Variants in IGSF11 observed in about 807,000 individuals in gnomAD.
IGSF11 encodes immunoglobulin superfamily member 11, also known as CXADR like 1.
A neutral mutation model predicts 41.0 loss-of-function variants in IGSF11; 22 were observed. That is an observed-to-expected ratio of 0.54 (90% CI 0.38 to 0.77). IGSF11 has a LOEUF of 0.77. IGSF11 is among the 30% of genes least tolerant of loss of function. The pLI is 0.00. For synonymous variants in IGSF11, 219 were observed against 201.3 expected, an observed-to-expected ratio of 1.09 and a Z score of -0.74; for missense variants, 444 against 530.8, an observed-to-expected ratio of 0.84 and a Z score of 1.61.
intron 1 of IGSF11, among the ~76,000 whole-genome samples, chr3:119,054,291 A>G (rs1252257156): frequency 3.3e-5 from 5 of 152,216 alleles, no homozygotes; most frequent in African/African-American, 9.6e-5. Context: ...GTATCCAACA[A>G]AGAACTAATA....
intron 1 of IGSF11, among the ~76,000 whole-genome samples, chr3:118,953,866 C>T (rs1381581239): frequency 1.3e-5 from 2 of 152,164 alleles, no homozygotes; most frequent in Non-Finnish European, 2.9e-5. Context: ...GTTTACTCCG[C>T]TGATGGTTTC....
chr3:118,984,172 CA>C (rs11329040), intron 1 of IGSF11, among the ~76,000 whole-genome samples: 13,098 of 133,998 alleles, frequency 0.098, 1,052 homozygotes, highest in African/African-American at 0.24. Context: ...TTCTGAAATT[CA>C]AAAAAAAAAA....
rs1411725321 is a variant in IGSF11 at position 118,930,259 on chromosome 3, C to G, written c.69G>C (p.Leu23=). 6 of 1,612,860 alleles carry G rather than the reference C, an allele frequency of 3.7e-6. No homozygotes were observed. ...LLSLHGVAAS[L]EVSESPGSIQ... ...TACTCCCAGGGCTCTCTGACACTTCCAGGGATGCTGCAACACCTACAGAAG... is the reference window on the plus strand; with the variant it reads ...TACTCCCAGGGCTCTCTGACACTTCGAGGGATGCTGCAACACCTACAGAAG... Residue 23 remains leucine, a synonymous_variant, in exon 2 of 7, where the codon CTG becomes CTC. Transcript: ENST00000393775.
intron 1 of IGSF11, among the ~76,000 whole-genome samples, chr3:119,062,102 C>A (rs1434737380): frequency 1.3e-5 from 2 of 151,946 alleles, no homozygotes; most frequent in Admixed American, 1.3e-4. Context: ...ATGAAAATGC[C>A]CATTACAGTG....
chr3:119,025,354 G>A (rs189585906), intron 1 of IGSF11, among the ~76,000 whole-genome samples: 1 of 152,060 alleles, frequency 6.6e-6, no homozygotes, highest in Admixed American at 6.5e-5. Context: ...TACATGATAT[G>A]CCCTAGGCCA....
At chr3:119,012,338 C>T (rs780088252) in intron 1 of IGSF11, among the ~76,000 whole-genome samples, 2 of 152,154 alleles carry the variant, frequency 1.3e-5, no homozygotes, top group Non-Finnish European at 2.9e-5. Context: ...CCAAACCTTT[C>T]GTGAGCTTCC....
chr3:118,973,909 C>A (rs900639613), intron 1 of IGSF11, among the ~76,000 whole-genome samples: 1 of 152,068 alleles, frequency 6.6e-6, no homozygotes, highest in Non-Finnish European at 1.5e-5. Flanking sequence ...AATGAGAACA[C>A]ACGCACACAG....
chr3:118,937,576 A>T (rs1441997788), intron 1 of IGSF11, among the ~76,000 whole-genome samples: 2 of 152,202 alleles, frequency 1.3e-5, no homozygotes, highest in Non-Finnish European at 2.9e-5. Flanking sequence ...GCTAAGTGAA[A>T]TGAAGAGTAA....
chr3:119,014,508 G>A (rs1203012717), intron 1 of IGSF11, among the ~76,000 whole-genome samples: 1 of 152,136 alleles, frequency 6.6e-6, no homozygotes, highest in East Asian at 1.9e-4. Context: ...GAGACAGAAA[G>A]GCCCCAAGAA....
chr3:119,056,269 T>TA (rs1276315703), intron 1 of IGSF11, among the ~76,000 whole-genome samples: 1 of 151,598 alleles, frequency 6.6e-6, no homozygotes, highest in Non-Finnish European at 1.5e-5. Context: ...ATAGACGCAA[T>TA]AAAAAAATGA....
chr3:119,087,539 C>T (rs1331658952), intron 1 of IGSF11, among the ~76,000 whole-genome samples: 1 of 152,040 alleles, frequency 6.6e-6, no homozygotes, highest in Admixed American at 6.6e-5. Context: ...AACCAAACAT[C>T]ATATGTTCTC....
intron 1 of IGSF11, among the ~76,000 whole-genome samples, chr3:118,943,741 T>C (rs534346308): frequency 2.6e-5 from 4 of 152,218 alleles, no homozygotes; most frequent in Admixed American, 6.5e-5. Context: ...GGTTACTACA[T>C]TGAGATTTAT....
chr3:119,142,934 C>A (rs1047688178), intron 1 of IGSF11, among the ~76,000 whole-genome samples: 2 of 152,044 alleles, frequency 1.3e-5, no homozygotes, highest in Non-Finnish European at 2.9e-5. Context: ...AGTGAGAAAG[C>A]AGTAAGACAA....
At chr3:119,040,900 T>C (rs1941094634) in intron 1 of IGSF11, among the ~76,000 whole-genome samples, 1 of 152,136 alleles carries the variant, frequency 6.6e-6, no homozygotes, top group African/African-American at 2.4e-5. Context: ...AAAAAGCAAT[T>C]CTAAATAATT....
At chr3:119,077,752 A>T (rs944869822) in intron 1 of IGSF11, among the ~76,000 whole-genome samples, 2 of 152,204 alleles carry the variant, frequency 1.3e-5, no homozygotes, top group South Asian at 2.1e-4. Flanking sequence ...CTCTTTTTAC[A>T]ATGATGTGAT....
chr3:119,094,935 G>A (rs1489952549), intron 1 of IGSF11, among the ~76,000 whole-genome samples: 1 of 151,972 alleles, frequency 6.6e-6, no homozygotes, highest in Non-Finnish European at 1.5e-5. Flanking sequence ...GCCTCCCAAA[G>A]TGCTGGGATT....
intron 1 of IGSF11, among the ~76,000 whole-genome samples, chr3:119,121,295 A>G (rs1247765219): frequency 6.6e-6 from 1 of 152,214 alleles, no homozygotes; most frequent in Non-Finnish European, 1.5e-5. Context: ...GAGGTAAAGG[A>G]ACCATGAGTA....
At chr3:118,981,459 A>T (rs1449447843) in intron 1 of IGSF11, among the ~76,000 whole-genome samples, 1 of 152,132 alleles carries the variant, frequency 6.6e-6, no homozygotes, top group African/African-American at 2.4e-5. Flanking sequence ...CACTGTGCTC[A>T]GCTTTTGGCA....
chr3:119,020,468 A>G (rs987468072), intron 1 of IGSF11, among the ~76,000 whole-genome samples: 1 of 152,228 alleles, frequency 6.6e-6, no homozygotes, highest in African/African-American at 2.4e-5. Context: ...GAGAACAAGA[A>G]TGAGAATTGA....
Sources: allele counts gnomAD v4.1 joint callset (sites outside exome capture counted in the v4.1 genomes callset), GRCh38; gene constraint gnomAD v4.1.1; transcripts MANE v1.5; gene names NCBI Gene and HGNC (gene_info 2026-07-23, HGNC 2026-07-21).